ANKRD23: variants seen among roughly 807,000 people sequenced by gnomAD.
ANKRD23 encodes ankyrin repeat domain-containing protein 23.
Under a neutral mutation model 38.1 loss-of-function variants are expected in ANKRD23, and 52 were observed. The observed-to-expected ratio is 1.36, with a 90% CI of 1.09 to 1.72. ANKRD23 has a LOEUF of 1.72. ANKRD23 is among the 40% of genes most tolerant of loss of function. The probability of loss-of-function intolerance (pLI) is 0.00; values close to 1 mark genes in which losing one functional copy is unlikely to be tolerated. For missense variants in ANKRD23, 416 were observed against 400.2 expected, an observed-to-expected ratio of 1.04 and a Z score of -0.34; for synonymous variants, 167 against 162.9, an observed-to-expected ratio of 1.03 and a Z score of -0.19.
At position 96,839,266 on chromosome 2, in the gene ANKRD23, T is replaced by C; in HGVS notation, c.*283A>G. 8.4e-7 allele frequency: 1 copy of C among 1,187,370 alleles called. No individual in the cohort carries two copies. Among genetic ancestry groups the C allele is most frequent in the Non-Finnish European group, 1.0e-6 (1 of 959,892 alleles). 73.6% of individuals were successfully genotyped at this position (1,187,370 alleles called of 1,614,324 possible). On this transcript the variant is annotated 3_prime_UTR_variant, in exon 9 of 9. Transcript: ENST00000318357. ...TTCTTGGCCCTCACTCTCCTCCCCTTCCTGGCCCTCATCTGGACCCGCGCT... is the reference window on the plus strand; with the variant it reads ...TTCTTGGCCCTCACTCTCCTCCCCTCCCTGGCCCTCATCTGGACCCGCGCT...
chr2:96,840,613 C>T, intron 4 of ANKRD23, 99 bp from the exon 5 acceptor site: 2 of 1,517,370 alleles, frequency 1.3e-6, no homozygotes, highest in Admixed American at 3.5e-5. Flanking sequence ...ATGGAATTGC[C>T]ACTTCCCCCA....
rs2079720475 is a variant in ANKRD23 at position 96,838,649 on chromosome 2, A to C, written c.*900T>G. The stretch of plus-strand genomic sequence containing the variant: ...ATAAGGGGACATAAGGGCCTCAGGC[A>C]AACTAGGGTTACGGGCCACTGCCCC... On this transcript the variant is annotated 3_prime_UTR_variant, in exon 9 of 9. Coordinates refer to ENST00000318357, the MANE Select transcript of ANKRD23 (RefSeq NM_144994.8). 1 of 985,534 alleles carries C rather than the reference A, an allele frequency of 1.0e-6. No homozygotes were observed. The highest frequency in any genetic ancestry group is 1.2e-6 in the Non-Finnish European group (1 of 829,988). The allele number at this position is 985,534 out of a possible 1,614,324, so 61.0% of individuals were successfully genotyped here.
chr2:96,842,221 C>T (rs1038504463), intron 2 of ANKRD23, 36 bp from the exon 3 acceptor site: 16 of 1,613,166 alleles, frequency 9.9e-6, no homozygotes, highest in Admixed American at 5.0e-5. Context: ...AGCCATCAGC[C>T]GCTGGTCAAG....
At position 96,841,191 on chromosome 2, in the gene ANKRD23, A is replaced by G. The variant is rs1328866630; in HGVS notation, c.301-279T>C. ...TGTGACCTTATTTGGAAACAGAGTC[A>G]CTGAGGATGTAATTAGTTAAGATGA... On this transcript the variant is annotated intron_variant, in intron 3 of 8. Coordinates refer to ENST00000318357, the MANE Select transcript of ANKRD23 (RefSeq NM_144994.8). The G allele has an allele frequency of 1.9e-5, 7 of 374,512 alleles. 1 individual carries two copies. Among genetic ancestry groups the G allele is most frequent in the Non-Finnish European group, 3.4e-5 (7 of 203,700 alleles). The allele number at this position is 374,512 out of a possible 1,614,324, so 23.2% of individuals were successfully genotyped here.
intron 3 of ANKRD23, 85 bp from the exon 4 acceptor site, chr2:96,840,997 G>A: frequency 6.5e-7 from 1 of 1,534,728 alleles, no homozygotes; most frequent in Admixed American, 1.9e-5. Context: ...TGGCCCACGG[G>A]TCCCATGCAG....
At chr2:96,842,637 G>C in intron 1 of ANKRD23, 126 bp from the exon 2 acceptor site, 1 of 1,223,174 alleles carries the variant, frequency 8.2e-7, no homozygotes, top group Non-Finnish European at 1.1e-6. Context: ...CGGGATGGGA[G>C]CCGGCCTCAA....
Position 96,839,417 on chromosome 2 carries a change from T to C in ANKRD23, c.*132A>G. On this transcript the variant is annotated 3_prime_UTR_variant, in exon 9 of 9. Transcript: ENST00000318357. Reference sequence around the variant, plus strand: ...TGCCGCTCTTCAGTTCTGCCAGGGCTGCTGAGGCGGCACAGGCCAGAGAGG... The same window carrying C: ...TGCCGCTCTTCAGTTCTGCCAGGGCCGCTGAGGCGGCACAGGCCAGAGAGG... The C allele has an allele frequency of 7.7e-7, 1 of 1,293,804 alleles. No homozygotes were observed. The highest frequency in any genetic ancestry group is 9.8e-7 in the Non-Finnish European group (1 of 1,025,040). 80.1% of individuals were successfully genotyped at this position (1,293,804 alleles called of 1,614,324 possible). A position where few individuals can be genotyped will look rare whatever the true frequency, so the allele number is the denominator to read the frequency against.
At chr2:96,839,963 G>C (rs2079739953) in intron 7 of ANKRD23, 34 bp downstream of exon 7, 2 of 1,551,198 alleles carry the variant, frequency 1.3e-6, no homozygotes, top group Non-Finnish European at 8.7e-7. Context: ...CTCTGGAGCT[G>C]TCCGAGCCGG....
At chr2:96,841,260 G>T (rs927883531) in intron 3 of ANKRD23, 2 of 223,400 alleles carry the variant, frequency 9.0e-6, no homozygotes, top group South Asian at 7.0e-5. Flanking sequence ...TATGACTTGT[G>T]TTAAAGTGGG....
Position 96,842,431 on chromosome 2 carries a change from C to T in ANKRD23, c.108G>A (p.Trp36Ter). The T allele has an allele frequency of 6.2e-7, 1 of 1,614,054 alleles. No individual in the cohort carries two copies. The highest frequency in any genetic ancestry group is 8.5e-7 in the Non-Finnish European group (1 of 1,180,022). ...VPDPGAWPSD[W>*]RRGPQEAVAR... ...CCACAGCCTCTTGGGGGCCCCTCCT[C>T]CAGTCACTAGGCCAGGCTCCAGGGT... is the stretch of plus-strand genomic sequence containing the variant. The change falls in exon 2 of 9, where the codon TGG becomes TGA. Residue 36 changes from tryptophan (W) to a stop codon, truncating the protein, a stop_gained. Coordinates refer to ENST00000318357, the MANE Select transcript of ANKRD23 (RefSeq NM_144994.8). LOFTEE classifies it high-confidence loss of function.
intron 7 of ANKRD23, 64 bp from the exon 8 acceptor site, chr2:96,839,889 C>A: frequency 1.3e-6 from 2 of 1,559,774 alleles, no homozygotes; most frequent in South Asian, 2.3e-5. Context: ...GCAGGAAGGT[C>A]AGGGCTGCTG....
rs1574126569 is a variant in ANKRD23, at chr2:96,839,342, C to T, written c.*207G>A. 1.6e-6 allele frequency: 2 copies of T among 1,252,748 alleles called. No homozygotes were observed. The highest frequency in any genetic ancestry group is 3.1e-5 in the East Asian group (1 of 32,018). 77.6% of individuals were successfully genotyped at this position (1,252,748 alleles called of 1,614,324 possible). A position where few individuals can be genotyped will look rare whatever the true frequency, so the allele number is the denominator to read the frequency against. Reference sequence around the variant, plus strand: ...CCAGCCCTGGGAGGGAACGCGGCTCCCCTGACACTCGAAGCCAGGGAGGCC... The same window carrying T: ...CCAGCCCTGGGAGGGAACGCGGCTCTCCTGACACTCGAAGCCAGGGAGGCC... On this transcript the variant is annotated 3_prime_UTR_variant, in exon 9 of 9. Transcript: ENST00000318357.
chr2:96,842,527 A>G lies in ANKRD23; in HGVS notation c.28-16T>C. 1 of 1,609,070 alleles carries G rather than the reference A, an allele frequency of 6.2e-7. No homozygotes were observed. ...CTCCACTTACCTGTAGGAACAGGATATGAGTACTGAGTTGGGAAAATTGGA... is the reference window on the plus strand; with the variant it reads ...CTCCACTTACCTGTAGGAACAGGATGTGAGTACTGAGTTGGGAAAATTGGA... On this transcript the variant is annotated splice_polypyrimidine_tract_variant and intron_variant, in intron 1 of 8. Transcript: ENST00000318357.
intron 4 of ANKRD23, 133 bp from the exon 5 acceptor site, chr2:96,840,647 C>T: frequency 6.6e-7 from 1 of 1,512,522 alleles, no homozygotes; most frequent in Non-Finnish European, 9.1e-7. Flanking sequence ...CGCTCCCTCT[C>T]CTCCGTCTGC....
intron 1 of ANKRD23, 45 bp downstream of exon 1, chr2:96,843,921 C>T (rs771054065): frequency 6.3e-7 from 1 of 1,589,164 alleles, no homozygotes; most frequent in Middle Eastern, 1.7e-4. Context: ...CTCCTCCTAT[C>T]AAGCCGGTCC....
chr2:96,840,108 G>C lies in ANKRD23; in HGVS notation c.625-13C>G, dbSNP rs186341431. The C allele has an allele frequency of 6.4e-7, 1 of 1,551,506 alleles. No individual in the cohort carries two copies. The highest frequency in any genetic ancestry group is 1.2e-5 in the South Asian group (1 of 84,006). On this transcript the variant is annotated splice_polypyrimidine_tract_variant and intron_variant, in intron 6 of 8. Coordinates refer to ENST00000318357, the MANE Select transcript of ANKRD23 (RefSeq NM_144994.8). ...GGGTGCTCCCGATCTGAGAGCAAGT[G>C]GGGGTCAGTGCTGGGTCTGGATTGG... is the stretch of plus-strand genomic sequence containing the variant.
rs1048243740 is a variant in ANKRD23 at position 96,838,661 on chromosome 2, C to T, written c.*888G>A. ...AAGGGCCTCAGGCAAACTAGGGTTA[C>T]GGGCCACTGCCCCAAGAGTTGAGTG... On this transcript the variant is annotated 3_prime_UTR_variant, in exon 9 of 9. Coordinates refer to ENST00000318357, the MANE Select transcript of ANKRD23 (RefSeq NM_144994.8). 1.5e-5 allele frequency: 15 copies of T among 985,394 alleles called. No individual in the cohort carries two copies. Among genetic ancestry groups the T allele is most frequent in the Admixed American group, 1.2e-4 (2 of 16,272 alleles). 61.0% of individuals were successfully genotyped at this position (985,394 alleles called of 1,614,324 possible). A position where few individuals can be genotyped will look rare whatever the true frequency, so the allele number is the denominator to read the frequency against.
In ANKRD23 at chr2:96,839,576, G is replaced by A. The variant is rs1328415247; in HGVS notation, c.891C>T (p.His297=). ...AGCACCGGGTGCGGGGATGCGCCACGTGGGCCTGCAGGGCCTCCCGGATGC... is the reference window on the plus strand; with the variant it reads ...AGCACCGGGTGCGGGGATGCGCCACATGGGCCTGCAGGGCCTCCCGGATGC... ...QRGIREALQA[H]VAHPRTRC The change falls in exon 9 of 9, where the codon CAC becomes CAT. Residue 297 remains histidine, a synonymous_variant. Coordinates refer to ENST00000318357, the MANE Select transcript of ANKRD23 (RefSeq NM_144994.8). The A allele has an allele frequency of 6.8e-6, 10 of 1,470,950 alleles. No homozygotes were observed. Among genetic ancestry groups the A allele is most frequent in the Non-Finnish European group, 8.1e-6 (9 of 1,114,810 alleles). The allele number at this position is 1,470,950 out of a possible 1,614,324, so 91.1% of individuals were successfully genotyped here. A position where few individuals can be genotyped will look rare whatever the true frequency, so the allele number is the denominator to read the frequency against.
chr2:96,841,897 C>T (rs1221516784), intron 3 of ANKRD23, among the ~76,000 whole-genome samples, 163 bp downstream of exon 3: 1 of 152,220 alleles, frequency 6.6e-6, no homozygotes, highest in Non-Finnish European at 1.5e-5. Context: ...TTTGTTATGG[C>T]AGCCCTGGCG....
Sources: allele counts gnomAD v4.1 joint callset (sites outside exome capture counted in the v4.1 genomes callset), GRCh38; gene constraint gnomAD v4.1.1; transcripts MANE v1.5; gene names NCBI Gene and HGNC (gene_info 2026-07-23, HGNC 2026-07-21).